ABHD12: variants seen among roughly 807,000 people sequenced by gnomAD.
ABHD12 encodes lysophosphatidylserine lipase ABHD12.
A neutral mutation model predicts 58.3 loss-of-function variants in ABHD12; 43 were observed. The ratio of observed to expected loss-of-function variants is 0.74; its 90% CI spans 0.58 to 0.95. The LOEUF is 0.95. ABHD12 is among the 40% of genes least tolerant of loss of function. The pLI is 0.00. For synonymous variants in ABHD12, 219 were observed against 211.2 expected (o/e 1.04, Z -0.32); for missense variants, 539 against 537.2 (o/e 1.00, Z -0.03).
At chr20:25,363,515 C>G (rs2089780845) in intron 1 of ABHD12, among the ~76,000 whole-genome samples, 1 of 152,080 alleles carries the variant, frequency 6.6e-6, no homozygotes, top group African/African-American at 2.4e-5. Flanking sequence ...CCGCACCTGG[C>G]TGACATTTAC....
At chr20:25,361,721 C>T (rs1197256399) in intron 1 of ABHD12, among the ~76,000 whole-genome samples, 1 of 151,664 alleles carries the variant, frequency 6.6e-6, no homozygotes, top group African/African-American at 2.4e-5. Context: ...TTTGGGAGGC[C>T]GAGACGGGTG....
Position 25,368,714 on chromosome 20 carries a change from G to A in ABHD12, c.191+21799C>T, listed in dbSNP as rs2500396. ...TCTGCAAACAGGTTGAAGGAGACGCGGCCCAAGGGCTTGCCTTCGTCAGCA... is the reference window on the plus strand; with the variant it reads ...TCTGCAAACAGGTTGAAGGAGACGCAGCCCAAGGGCTTGCCTTCGTCAGCA... On this transcript the variant is annotated intron_variant, in intron 1 of 12. Transcript: ENST00000339157. 7.2e-3 allele frequency: 9,179 copies of A among 1,276,354 alleles called. 348 individuals are homozygous for A. In the African/African-American group the frequency reaches 0.091, roughly 13 times the overall value. 79.1% of individuals were successfully genotyped at this position (1,276,354 alleles called of 1,614,324 possible).
Position 25,320,292 on chromosome 20 carries a change from T to C in ABHD12, c.449A>G (p.Lys150Arg). 1.2e-6 allele frequency: 2 copies of C among 1,614,098 alleles called. No individual in the cohort carries two copies. The highest frequency in any genetic ancestry group is 8.5e-7 in the Non-Finnish European group (1 of 1,180,036). Residue 150 changes from lysine to arginine, a missense_variant, in exon 4 of 13, where the codon AAG (lysine) becomes AGG (arginine). By Grantham distance (26) the Lys-to-Arg change is conservative (BLOSUM62 2). Transcript: ENST00000339157. The part of the protein sequence containing the change: ...VWHTVPAVWW[K>R]NAQGKDQMWY... ...CATCTGGTCTTTGCCTTGGGCGTTC[T>C]TCCACCAGACTGCAGGGACGGTGTG...
intron 3 of ABHD12, among the ~76,000 whole-genome samples, chr20:25,322,799 T>G (rs775928571): frequency 1.3e-5 from 2 of 152,172 alleles, no homozygotes; most frequent in Non-Finnish European, 2.9e-5. Context: ...CTCAGCTCAC[T>G]GCAACTTCTG....
Position 25,320,271 on chromosome 20 carries a change from T to C in ABHD12, c.470A>G (p.Gln157Arg). 6.2e-7 allele frequency: 1 copy of C among 1,614,150 alleles called. No individual in the cohort carries two copies. The highest frequency in any genetic ancestry group is 8.5e-7 in the Non-Finnish European group (1 of 1,180,036). Residue 157 changes from glutamine to arginine, a missense_variant, in exon 4 of 13, where the codon CAG (glutamine) becomes CGG (arginine). Transcript: ENST00000339157. ...VWWKNAQGKD[Q>R]MWYEDALASS... ...AGCCAAGGCATCCTCATACCACATC[T>C]GGTCTTTGCCTTGGGCGTTCTTCCA...
chr20:25,333,595 A>G (rs974889372), intron 2 of ABHD12, among the ~76,000 whole-genome samples: 6 of 151,706 alleles, frequency 4.0e-5, no homozygotes, highest in African/African-American at 1.5e-4. Flanking sequence ...AGCACATCAA[A>G]AAGCATATCC....
At chr20:25,336,858 TG>T (rs1480451323) in intron 2 of ABHD12, among the ~76,000 whole-genome samples, 2 of 151,686 alleles carry the variant, frequency 1.3e-5, no homozygotes, top group African/African-American at 4.8e-5. Context: ...GAGTGGGGTG[TG>T]GGGGCCAGGC....
chr20:25,382,984 C>T (rs2146136127), intron 1 of ABHD12, among the ~76,000 whole-genome samples: 1 of 152,230 alleles, frequency 6.6e-6, no homozygotes, highest in African/African-American at 2.4e-5. Flanking sequence ...CAGCCCCATG[C>T]CTTGTCACAG....
chr20:25,319,687 C>A (rs1318967605), intron 4 of ABHD12, among the ~76,000 whole-genome samples: 1 of 152,222 alleles, frequency 6.6e-6, no homozygotes, highest in Non-Finnish European at 1.5e-5. Flanking sequence ...CGCGAGGCAC[C>A]CACAGCCAAG....
rs746529855 is a variant in ABHD12 at position 25,339,357 on chromosome 20, A to T, written c.192-6T>A. 3 of 1,614,020 alleles carry T rather than the reference A, an allele frequency of 1.9e-6. No individual in the cohort carries two copies. The African/African-American group carries it at 4.0e-5, about 22-fold the overall frequency. On this transcript the variant is annotated splice_region_variant and splice_polypyrimidine_tract_variant and intron_variant, in intron 1 of 12. Coordinates refer to ENST00000339157, the MANE Select transcript of ABHD12 (RefSeq NM_001042472.3). ...GCAACCACACGCCCTTTCGCCTGCA[A>T]GAGAAAAGCAATGAATAGGTCAGAA...
At chr20:25,305,302 C>G (rs574982600) in intron 10 of ABHD12, among the ~76,000 whole-genome samples, 1 of 151,762 alleles carries the variant, frequency 6.6e-6, no homozygotes, top group Non-Finnish European at 1.5e-5. Context: ...GGAAAAAATA[C>G]TCCATTTTTT....
chr20:25,333,622 T>C (rs1171513911), intron 2 of ABHD12, among the ~76,000 whole-genome samples: 15 of 151,560 alleles, frequency 9.9e-5, no homozygotes, highest in African/African-American at 3.6e-4. Flanking sequence ...ATCAAGTGGG[T>C]TTCATCCCTG....
intron 6 of ABHD12, among the ~76,000 whole-genome samples, chr20:25,312,710 C>T (rs1216125149): frequency 2.0e-5 from 3 of 151,790 alleles, no homozygotes; most frequent in Non-Finnish European, 2.9e-5. Context: ...CTCTTCCCGG[C>T]CGCCATCCCA....
chr20:25,354,363 G>C (rs1234981881), intron 1 of ABHD12, among the ~76,000 whole-genome samples: 1 of 152,194 alleles, frequency 6.6e-6, no homozygotes, highest in African/African-American at 2.4e-5. Context: ...GGGAGAACTG[G>C]GGGGCAGGGA....
Position 25,308,599 on chromosome 20 carries a change from C to T in ABHD12, c.750-105G>A, listed in dbSNP as rs368127704. 7.8e-5 allele frequency: 108 copies of T among 1,381,594 alleles called. No homozygotes were observed. In the African/African-American group the frequency reaches 1.4e-3, roughly 18 times the overall value. 85.6% of individuals were successfully genotyped at this position (1,381,594 alleles called of 1,614,324 possible). ...CAGAGGAGCCATGGGGTCTGTGAAG[C>T]TACTGGAGTTTCAGGACAGAGTGGG... On this transcript the variant is annotated intron_variant, in intron 7 of 12. Transcript: ENST00000339157.
intron 1 of ABHD12, among the ~76,000 whole-genome samples, chr20:25,374,573 AAC>A (rs1250886034): frequency 6.6e-6 from 1 of 152,096 alleles, no homozygotes; most frequent in Non-Finnish European, 1.5e-5. Flanking sequence ...AGCTCACTGC[AAC>A]CTCCGCCTCC....
chr20:25,322,801 C>T (rs2089104903), intron 3 of ABHD12, among the ~76,000 whole-genome samples: 1 of 152,146 alleles, frequency 6.6e-6, no homozygotes, highest in Non-Finnish European at 1.5e-5. Flanking sequence ...CAGCTCACTG[C>T]AACTTCTGCC....
chr20:25,319,833 G>C (rs1237933361), intron 4 of ABHD12, among the ~76,000 whole-genome samples: 1 of 152,164 alleles, frequency 6.6e-6, no homozygotes, highest in Non-Finnish European at 1.5e-5. Flanking sequence ...CCTCTGGCTG[G>C]GGAGCTCAGC....
At chr20:25,343,263 G>A (rs536161149) in intron 1 of ABHD12, among the ~76,000 whole-genome samples, 1 of 152,260 alleles carries the variant, frequency 6.6e-6, no homozygotes, top group Admixed American at 6.5e-5. Flanking sequence ...GTTCACTGGG[G>A]AATTCTACCA....
Sources: gnomAD v4.1 joint callset for allele counts (sites outside exome capture counted in the v4.1 genomes callset) on GRCh38, gnomAD v4.1.1 for gene constraint, MANE v1.5 for transcripts, NCBI Gene and HGNC (gene_info 2026-07-23, HGNC 2026-07-21) for gene names.